The following ANO10 variants were observed in gnomAD, a reference collection of about 807,000 sequenced individuals.
ANO10 encodes anoctamin-10.
Under a neutral mutation model 74.7 loss-of-function variants are expected in ANO10, and 77 were observed. The observed-to-expected ratio is 1.03, with a 90% CI of 0.86 to 1.25. The LOEUF is 1.25. ANO10 is among the 50% of genes most tolerant of loss of function. The pLI, the probability that ANO10 is intolerant of heterozygous loss-of-function variation, is 0.00. For missense variants in ANO10, 721 were observed against 778.1 expected (o/e 0.93, Z 0.87); for synonymous variants, 279 against 284.9 (o/e 0.98, Z 0.21).
intron 1 of ANO10, among the ~76,000 whole-genome samples, chr3:43,638,426 G>A (rs1413806611): frequency 1.3e-5 from 2 of 152,054 alleles, no homozygotes; most frequent in African/African-American, 4.8e-5. Flanking sequence ...ATTTCACTGG[G>A]ATTTTTAGTC....
intron 12 of ANO10, among the ~76,000 whole-genome samples, chr3:43,392,963 G>T (rs760485034): frequency 1.3e-5 from 2 of 152,202 alleles, no homozygotes; most frequent in Non-Finnish European, 2.9e-5. Context: ...TGCAACTGAG[G>T]AACTGAATTT....
intron 1 of ANO10, among the ~76,000 whole-genome samples, chr3:43,646,038 A>T (rs2083723045): frequency 6.6e-6 from 1 of 151,948 alleles, no homozygotes. Flanking sequence ...AAACTCCTAA[A>T]CTCAGGCAAT....
intron 11 of ANO10, among the ~76,000 whole-genome samples, chr3:43,475,664 C>G (rs1419106150): frequency 6.6e-6 from 1 of 152,058 alleles, no homozygotes; most frequent in South Asian, 2.1e-4. Context: ...AATGGCGCAA[C>G]CTTGGCTCAC....
At chr3:43,616,025 C>T (rs975899135) in intron 1 of ANO10, among the ~76,000 whole-genome samples, 1 of 152,082 alleles carries the variant, frequency 6.6e-6, no homozygotes, top group African/African-American at 2.4e-5. Context: ...GCATGCCAAC[C>T]TTATATAAAA....
At chr3:43,592,704 G>T (rs1017504324) in intron 4 of ANO10, among the ~76,000 whole-genome samples, 1 of 152,216 alleles carries the variant, frequency 6.6e-6, no homozygotes, top group African/African-American at 2.4e-5. Context: ...CTCCTCCAAA[G>T]AAATGCAGCT....
At chr3:43,390,464 T>C (rs2092246903) in intron 12 of ANO10, among the ~76,000 whole-genome samples, 1 of 152,240 alleles carries the variant, frequency 6.6e-6, no homozygotes, top group Non-Finnish European at 1.5e-5. Context: ...TTCTGTGGCT[T>C]TGCACAAACC....
At chr3:43,553,539 CTTT>C (rs34196766) in intron 10 of ANO10, among the ~76,000 whole-genome samples, 19 of 136,046 alleles carry the variant, frequency 1.4e-4, no homozygotes, top group Non-Finnish European at 1.4e-4. Context: ...TAATTTCTCT[CTTT>C]TTTTTTTTTT....
At position 43,576,720 on chromosome 3, in the gene ANO10, T is replaced by A; in HGVS notation, c.1134A>T (p.Arg378=). 6.2e-7 allele frequency: 1 copy of A among 1,614,118 alleles called. No homozygotes were observed. The highest frequency in any genetic ancestry group is 8.5e-7 in the Non-Finnish European group (1 of 1,180,044). ...ATGAAGTTAAAAACTCGGCAGCATA[T>A]CGATAGAGACGATTCATGATCTCAA... ...IVIEIMNRLY[R]YAAEFLTSWE... is the part of the protein sequence containing the mutation. The change falls in exon 6 of 13, where the codon CGA becomes CGT. Residue 378 remains arginine, a synonymous_variant. Transcript: ENST00000292246.
chr3:43,615,036 T>C (rs1301021532), intron 1 of ANO10, among the ~76,000 whole-genome samples: 1 of 151,004 alleles, frequency 6.6e-6, no homozygotes, highest in African/African-American at 2.4e-5. Context: ...TCCTGACACA[T>C]TGTAAGGTAA....
At chr3:43,566,453 A>G (rs542466334) in intron 7 of ANO10, among the ~76,000 whole-genome samples, 1 of 152,360 alleles carries the variant, frequency 6.6e-6, no homozygotes, top group African/African-American at 2.4e-5. Context: ...AGCTTGGAAG[A>G]GAGCAGTGGT....
At chr3:43,574,979 C>T in intron 6 of ANO10, 115 bp from the exon 7 acceptor site, 1 of 803,888 alleles carries the variant, frequency 1.2e-6, no homozygotes, top group East Asian at 2.6e-5. Context: ...GAGCCTCAGT[C>T]AGTAAATGTA....
chr3:43,423,139 G>C (rs2092845688), intron 12 of ANO10, among the ~76,000 whole-genome samples: 1 of 150,384 alleles, frequency 6.6e-6, no homozygotes, highest in Non-Finnish European at 1.5e-5. Flanking sequence ...AAAAGGATTT[G>C]AGCTTTATCA....
chr3:43,555,599 G>A (rs1343541327), intron 9 of ANO10, 130 bp from the exon 10 acceptor site: 2 of 829,628 alleles, frequency 2.4e-6, no homozygotes, highest in Non-Finnish European at 3.8e-6. Flanking sequence ...ATACACCAGT[G>A]TTTCTCCAAC....
chr3:43,598,931 A>T (rs2082213504), intron 3 of ANO10, among the ~76,000 whole-genome samples: 1 of 152,204 alleles, frequency 6.6e-6, no homozygotes, highest in Admixed American at 6.5e-5. Context: ...CATATAATTG[A>T]TCTCATTTAG....
intron 1 of ANO10, among the ~76,000 whole-genome samples, chr3:43,627,884 TTTTG>T (rs914189570): frequency 2.2e-4 from 34 of 152,104 alleles, no homozygotes; most frequent in African/African-American, 5.8e-4. Context: ...TAGTTGGGTT[TTTTG>T]TTTGTTTGTT....
rs189148091 is a variant in ANO10 at position 43,366,590 on chromosome 3, G to C, written c.*316C>G. ...GCTATGAGGGGAACGTGGAGAGCTG[G>C]TGGCTCACTCATGGTGAGAGGCTCA... On this transcript the variant is annotated 3_prime_UTR_variant, in exon 13 of 13. Coordinates refer to ENST00000292246, the MANE Select transcript of ANO10 (RefSeq NM_018075.5). 146 of 456,022 alleles carry C rather than the reference G, an allele frequency of 3.2e-4. 1 individual carries two copies. The highest frequency in any genetic ancestry group is 2.6e-3 in the African/African-American group (131 of 50,378). 28.2% of individuals were successfully genotyped at this position (456,022 alleles called of 1,614,324 possible). A position where few individuals can be genotyped will look rare whatever the true frequency, so the allele number is the denominator to read the frequency against.
At chr3:43,606,042 A>C (rs2082548108) in intron 1 of ANO10, among the ~76,000 whole-genome samples, 179 bp from the exon 2 acceptor site, 1 of 152,218 alleles carries the variant, frequency 6.6e-6, no homozygotes, top group South Asian at 2.1e-4. Flanking sequence ...TACATGTGTG[A>C]GCCAAGCTTT....
intron 11 of ANO10, among the ~76,000 whole-genome samples, chr3:43,531,435 T>A (rs998333782): frequency 2.6e-5 from 4 of 152,218 alleles, no homozygotes; most frequent in Non-Finnish European, 2.9e-5. Flanking sequence ...TTCTCTATCT[T>A]CTAATGTCTA....
chr3:43,395,043 A>G (rs2092351789), intron 12 of ANO10, among the ~76,000 whole-genome samples: 1 of 152,262 alleles, frequency 6.6e-6, no homozygotes, highest in Admixed American at 6.5e-5. Flanking sequence ...AAAGGGTACA[A>G]GGTAAGGGGG....
Sources: allele counts gnomAD v4.1 joint callset (sites outside exome capture counted in the v4.1 genomes callset), GRCh38; gene constraint gnomAD v4.1.1; transcripts MANE v1.5; gene names NCBI Gene and HGNC (gene_info 2026-07-23, HGNC 2026-07-21).